Variants in SMCHD1 observed in about 807,000 individuals in gnomAD.
SMCHD1 encodes structural maintenance of chromosomes flexible hinge domain-containing protein 1.
A neutral mutation model predicts 254.7 loss-of-function variants in SMCHD1; 78 were observed. The observed-to-expected ratio is 0.31, with a 90% CI of 0.26 to 0.37. The LOEUF (loss-of-function observed/expected upper bound fraction) is 0.37, where lower values mean the gene tolerates loss of function less well. Among genes scored for constraint, SMCHD1 ranks in the 10% least tolerant of loss-of-function variants. The pLI is 1.00. For missense variants in SMCHD1, 1,840 were observed against 2,408.1 expected, an observed-to-expected ratio of 0.76 and a Z score of 4.94; for synonymous variants, 766 against 794.9, an observed-to-expected ratio of 0.96 and a Z score of 0.61.
intron 34 of SMCHD1, among the ~76,000 whole-genome samples, chr18:2,753,451 G>T (rs1241561891): frequency 1.6e-4 from 24 of 152,118 alleles, no homozygotes; most frequent in Non-Finnish European, 1.9e-4. Flanking sequence ...TAAAATTGCT[G>T]GGTCATAAGT....
At chr18:2,705,668 T>C (rs781344460) in intron 13 of SMCHD1, 26 bp from the exon 14 acceptor site, 99 of 1,189,680 alleles carry the variant, frequency 8.3e-5, no homozygotes, top group East Asian at 3.4e-4. Context: ...CTGAAGCTTT[T>C]TTTTTTTTTA....
chr18:2,724,884 A>G lies in SMCHD1; in HGVS notation c.2604-15A>G, dbSNP rs1223984228. On this transcript the variant is annotated splice_polypyrimidine_tract_variant and intron_variant, in intron 20 of 47. Transcript: ENST00000320876. ...GGCAATTGAGGGGAGTTAAAAAATA[A>G]TTTTTTTTCCCCAGTGGTTTATCTT... 1.3e-6 allele frequency: 2 copies of G among 1,502,016 alleles called. No homozygotes were observed. Among genetic ancestry groups the G allele is most frequent in the Non-Finnish European group, 1.8e-6 (2 of 1,106,384 alleles). The allele number at this position is 1,502,016 out of a possible 1,614,324, so 93.0% of individuals were successfully genotyped here.
intron 12 of SMCHD1, chr18:2,702,289 A>AT (rs2074416933): frequency 1.4e-5 from 2 of 144,540 alleles, no homozygotes; most frequent in East Asian, 2.0e-4. Flanking sequence ...CACCTTCTGT[A>AT]TTTAAAAAAA....
intron 1 of SMCHD1, among the ~76,000 whole-genome samples, chr18:2,656,894 C>A (rs111917063): frequency 4.8e-4 from 73 of 152,282 alleles, no homozygotes; most frequent in African/African-American, 1.7e-3. Flanking sequence ...TGGGAATTTC[C>A]AAACCAAGTC....
chr18:2,658,847 T>TAC (rs1377435290), intron 1 of SMCHD1, among the ~76,000 whole-genome samples: 1 of 150,980 alleles, frequency 6.6e-6, no homozygotes, highest in African/African-American at 2.4e-5. Context: ...TATATATGTA[T>TAC]ATGTATATAT....
At position 2,784,580 on chromosome 18, in the gene SMCHD1, C is replaced by G; in HGVS notation, c.5678C>G (p.Ala1893Gly). 6.2e-7 allele frequency: 1 copy of G among 1,608,156 alleles called. No individual in the cohort carries two copies. Among genetic ancestry groups the G allele is most frequent in the Non-Finnish European group, 8.5e-7 (1 of 1,177,876 alleles). ...MDKLRGMVFGAPVPKQCLILG... is the reference protein window; with the variant it reads ...MDKLRGMVFGGPVPKQCLILG... ...AAACTTCGGGGAATGGTATTTGGAG[C>G]TCCAGTTCCAAAACAGTGTCTGATC... Residue 1893 changes from alanine (A) to glycine (G), a missense_variant, in exon 45 of 48, where the codon GCT becomes GGT. Around this residue, in one of 9 missense-constraint regions of SMCHD1, gnomAD observed 132 missense variants for 138.2 expected, o/e 0.95. Transcript: ENST00000320876.
chr18:2,679,328 T>C (rs1465993065), intron 5 of SMCHD1, among the ~76,000 whole-genome samples: 1 of 149,522 alleles, frequency 6.7e-6, no homozygotes, highest in Non-Finnish European at 1.5e-5. Context: ...GTACAAAAAT[T>C]AGCAGGGCGT....
intron 42 of SMCHD1, among the ~76,000 whole-genome samples, chr18:2,776,281 C>T (rs181142386): frequency 3.9e-5 from 6 of 152,142 alleles, no homozygotes; most frequent in Admixed American, 1.3e-4. Context: ...CCAGGCTAGG[C>T]GTGATCACAA....
In SMCHD1 at chr18:2,730,311, C is replaced by T. The variant is rs560595711; in HGVS notation, c.3048+902C>T. On this transcript the variant is annotated intron_variant, in intron 24 of 47. Coordinates refer to ENST00000320876, the MANE Select transcript of SMCHD1 (RefSeq NM_015295.3). The stretch of plus-strand genomic sequence containing the variant: ...TCAGCCTCCCCAGTAGCTGGGACTA[C>T]AGGCACCCGCCACCACGCCTGACTG... 5.5e-4 allele frequency among the ~76,000 whole-genome samples: 83 copies of T among 152,272 alleles called. 1 individual carries two copies. The highest frequency in any genetic ancestry group is 1.8e-3 in the African/African-American group (73 of 41,560).
At chr18:2,667,084 C>G in intron 3 of SMCHD1, 53 bp downstream of exon 3, 1 of 1,258,752 alleles carries the variant, frequency 7.9e-7, no homozygotes, top group Non-Finnish European at 1.1e-6. Flanking sequence ...CCTTTATCCC[C>G]TGATTACGTA....
chr18:2,773,687 C>T (rs1405556055), intron 41 of SMCHD1, among the ~76,000 whole-genome samples: 1 of 152,072 alleles, frequency 6.6e-6, no homozygotes, highest in Non-Finnish European at 1.5e-5. Flanking sequence ...TTTGGGAGGC[C>T]AAGACAGGCG....
At position 2,775,068 on chromosome 18, in the gene SMCHD1, ATTTTTTTTTTTTTTTTTTTT is replaced by A. The variant is rs10601895; in HGVS notation, c.5176-654_5176-635del. Among the ~76,000 whole-genome samples the A allele has an allele frequency of 9.0e-3, 661 of 73,094 alleles. 8 individuals carry two copies. Among genetic ancestry groups the A allele is most frequent in the African/African-American group, 0.028 (629 of 22,446 alleles). The allele number at this position is 73,094 out of a possible 152,430, so 48.0% of individuals were successfully genotyped here. A position where few individuals can be genotyped will look rare whatever the true frequency, so the allele number is the denominator to read the frequency against. On this transcript the variant is annotated intron_variant, in intron 41 of 47. Transcript: ENST00000320876. ...CCTAGAAACAGAAGCAAAAGGAACA[ATTTTTTTTTTTTTTTTTTTT>A]TTTTTTTTTTTGGAGACAGGGTCTT...
chr18:2,671,508 CG>C (rs1167271367), intron 3 of SMCHD1, among the ~76,000 whole-genome samples: 1 of 151,730 alleles, frequency 6.6e-6, no homozygotes, highest in Non-Finnish European at 1.5e-5. Context: ...AGTACATTCC[CG>C]GGTCTTTCCC....
chr18:2,732,330 A>G lies in SMCHD1; in HGVS notation c.3114A>G (p.Arg1038=), dbSNP rs1461530468. ...IKLLPSSHVA[R]LQIFSVEGQK... ...TGCTTCCCAGTAGCCATGTTGCAAG[A>G]CTACAAATATTCAGTGTAGAAGGAC... is the stretch of plus-strand genomic sequence containing the variant. Residue 1038 remains arginine (R), a synonymous_variant, in exon 25 of 48, where the codon AGA becomes AGG. Coordinates refer to ENST00000320876, the MANE Select transcript of SMCHD1 (RefSeq NM_015295.3). The G allele has an allele frequency of 6.2e-7, 1 of 1,613,858 alleles. No individual in the cohort carries two copies. Among genetic ancestry groups the G allele is most frequent in the Non-Finnish European group, 8.5e-7 (1 of 1,179,814 alleles).
chr18:2,767,099 A>G (rs1009075950), intron 37 of SMCHD1, among the ~76,000 whole-genome samples: 64 of 152,134 alleles, frequency 4.2e-4, no homozygotes, highest in Non-Finnish European at 7.8e-4. Context: ...TCTACAAAAA[A>G]TTTAAAAATT....
intron 17 of SMCHD1, among the ~76,000 whole-genome samples, chr18:2,711,938 A>G (rs527589969): frequency 6.6e-6 from 1 of 151,704 alleles, no homozygotes; most frequent in African/African-American, 2.4e-5. Flanking sequence ...CACCTCCCTC[A>G]CCCCTCTTTT....
At chr18:2,668,638 T>A (rs1216080854) in intron 3 of SMCHD1, among the ~76,000 whole-genome samples, 1 of 152,146 alleles carries the variant, frequency 6.6e-6, no homozygotes, top group Non-Finnish European at 1.5e-5. Flanking sequence ...TGCCTAAAAT[T>A]TTTTGATCCT....
At chr18:2,791,571 T>C (rs1345838467) in intron 45 of SMCHD1, among the ~76,000 whole-genome samples, 1 of 152,038 alleles carries the variant, frequency 6.6e-6, no homozygotes, top group Non-Finnish European at 1.5e-5. Context: ...CTGAGCAAAA[T>C]ACGTGAAAGA....
At chr18:2,708,117 A>T (rs1476694576) in intron 17 of SMCHD1, among the ~76,000 whole-genome samples, 197 bp downstream of exon 17, 1 of 152,172 alleles carries the variant, frequency 6.6e-6, no homozygotes, top group African/African-American at 2.4e-5. Context: ...AAAATACTTC[A>T]TCTTGAATTT....
Sources: allele counts gnomAD v4.1 joint callset (sites outside exome capture counted in the v4.1 genomes callset), GRCh38; gene constraint gnomAD v4.1.1; regional missense constraint gnomAD v4.1.1; transcripts MANE v1.5; gene names NCBI Gene and HGNC (gene_info 2026-07-23, HGNC 2026-07-21).